The following SAMTOR variants were observed in gnomAD, a reference collection of about 807,000 sequenced individuals.
SAMTOR encodes UPF0532 protein C7orf60.
the SAMTOR span, among the ~76,000 whole-genome samples, chr7:112,871,356 T>C: frequency 6.6e-6 from 1 of 152,132 alleles, no homozygotes; most frequent in Non-Finnish European, 1.5e-5. Context: ...TAGAAATCAA[T>C]ATCAAGAGGA....
the SAMTOR span, among the ~76,000 whole-genome samples, chr7:112,877,130 C>G: frequency 6.6e-6 from 1 of 152,158 alleles, no homozygotes; most frequent in Non-Finnish European, 1.5e-5. Flanking sequence ...CCCTTTATGA[C>G]TAACCTATGT....
chr7:112,827,388 A>G, the SAMTOR span, among the ~76,000 whole-genome samples: 2 of 152,160 alleles, frequency 1.3e-5, no homozygotes, highest in Non-Finnish European at 2.9e-5. Context: ...TGAATTAACT[A>G]AATTTTTTAT....
the SAMTOR span, among the ~76,000 whole-genome samples, chr7:112,890,197 G>A: frequency 2.0e-5 from 3 of 152,242 alleles, no homozygotes; most frequent in East Asian, 1.9e-4. Flanking sequence ...TTTGAAAAGC[G>A]CCTAAATGTT....
chr7:112,874,195 G>A, the SAMTOR span, among the ~76,000 whole-genome samples: 1 of 152,070 alleles, frequency 6.6e-6, no homozygotes, highest in African/African-American at 2.4e-5. Flanking sequence ...CCATTACTGA[G>A]TATATACCCA....
the SAMTOR span, among the ~76,000 whole-genome samples, chr7:112,823,794 G>A: frequency 1.3e-5 from 2 of 152,206 alleles, no homozygotes; most frequent in African/African-American, 2.4e-5. Context: ...AGGAGTATGT[G>A]AGAGTTCCAG....
the SAMTOR span, chr7:112,915,168 G>T: frequency 1.6e-5 from 11 of 668,112 alleles, no homozygotes; most frequent in East Asian, 3.3e-4. Flanking sequence ...AACCCGGGAG[G>T]TGGAGGTTGC....
the SAMTOR span, among the ~76,000 whole-genome samples, chr7:112,841,748 G>C: frequency 1.3e-5 from 2 of 152,074 alleles, no homozygotes; most frequent in African/African-American, 4.8e-5. Context: ...CAATGGAACA[G>C]AACAGAGGCC....
the SAMTOR span, among the ~76,000 whole-genome samples, chr7:112,834,326 T>C: frequency 2.4e-4 from 36 of 152,308 alleles, no homozygotes; most frequent in East Asian, 6.9e-3. Context: ...TTATATTCCT[T>C]GGTATTTCCT....
At chr7:112,862,234 G>A in the SAMTOR span, among the ~76,000 whole-genome samples, 2 of 152,168 alleles carry the variant, frequency 1.3e-5, no homozygotes, top group Admixed American at 1.3e-4. Context: ...CAGCCTGGGC[G>A]ACAGGAATGA....
chr7:112,931,606 G>A, the SAMTOR span, among the ~76,000 whole-genome samples: 3 of 152,008 alleles, frequency 2.0e-5, no homozygotes, highest in East Asian at 1.9e-4. Context: ...TCAAACAAAA[G>A]GATTTATGAA....
chr7:112,884,193 T>C, the SAMTOR span, among the ~76,000 whole-genome samples: 1 of 152,108 alleles, frequency 6.6e-6, no homozygotes, highest in Non-Finnish European at 1.5e-5. Context: ...TCCCACAACA[T>C]GTGGGGATTA....
At chr7:112,895,562 T>C in the SAMTOR span, 6 of 1,522,342 alleles carry the variant, frequency 3.9e-6, no homozygotes, top group East Asian at 1.1e-4. Context: ...AGAAAAAGTA[T>C]ACTTACTCAG....
At chr7:112,917,173 C>A in the SAMTOR span, among the ~76,000 whole-genome samples, 1 of 152,336 alleles carries the variant, frequency 6.6e-6, no homozygotes, top group East Asian at 1.9e-4. Flanking sequence ...GACCCCTGAC[C>A]CCCGAGCAGC....
At chr7:112,904,931 G>C in the SAMTOR span, among the ~76,000 whole-genome samples, 1 of 152,124 alleles carries the variant, frequency 6.6e-6, no homozygotes, top group African/African-American at 2.4e-5. Flanking sequence ...CATCCAGAGA[G>C]AGACTGCCCC....
At chr7:112,910,978 T>A in the SAMTOR span, among the ~76,000 whole-genome samples, 1 of 152,104 alleles carries the variant, frequency 6.6e-6, no homozygotes, top group Non-Finnish European at 1.5e-5. Flanking sequence ...CAAGCACAAG[T>A]CCTTCCAAAA....
At chr7:112,939,245 T>C in the SAMTOR span, 3 of 298,280 alleles carry the variant, frequency 1.0e-5, no homozygotes, top group Non-Finnish European at 1.3e-5. Flanking sequence ...TCGGCGTCTC[T>C]TGCAAAAAGC....
chr7:112,894,025 A>G, the SAMTOR span, among the ~76,000 whole-genome samples: 1 of 152,244 alleles, frequency 6.6e-6, no homozygotes, highest in Non-Finnish European at 1.5e-5. Context: ...TACCTAACTA[A>G]GTTTAATCAC....
chr7:112,874,334 T>G, the SAMTOR span, among the ~76,000 whole-genome samples: 1 of 152,292 alleles, frequency 6.6e-6, no homozygotes, highest in Admixed American at 6.5e-5. Flanking sequence ...GTGATACATG[T>G]GTACCACAGA....
At chr7:112,920,085 C>T in the SAMTOR span, among the ~76,000 whole-genome samples, 1 of 152,170 alleles carries the variant, frequency 6.6e-6, no homozygotes, top group Non-Finnish European at 1.5e-5. Flanking sequence ...GGGAATCCTC[C>T]CTAACTCATT....
Sources: gnomAD v4.1 joint callset for allele counts (sites outside exome capture counted in the v4.1 genomes callset) on GRCh38, gnomAD v4.1.1 for gene constraint, MANE v1.5 for transcripts, NCBI Gene and HGNC (gene_info 2026-07-23, HGNC 2026-07-21) for gene names.